Variants in RGL1 observed in about 807,000 individuals in gnomAD.
The protein encoded by RGL1 is ral guanine nucleotide dissociation stimulator like 1, also known as ral guanine nucleotide dissociation stimulator-like 1.
Under a neutral mutation model 95.2 loss-of-function variants are expected in RGL1, and 24 were observed. That is an observed-to-expected ratio of 0.25 (90% CI 0.18 to 0.35). The LOEUF (loss-of-function observed/expected upper bound fraction) is 0.35, where lower values mean the gene tolerates loss of function less well. Among genes scored for constraint, RGL1 ranks in the 10% least tolerant of loss-of-function variants. The pLI is 1.00. For synonymous variants in RGL1, 329 were observed against 344.9 expected, an observed-to-expected ratio of 0.95 and a Z score of 0.51; for missense variants, 715 against 936.3, an observed-to-expected ratio of 0.76 and a Z score of 3.08.
intron 1 of RGL1, among the ~76,000 whole-genome samples, chr1:183,719,460 T>TG (rs1391766478): frequency 6.7e-6 from 1 of 148,394 alleles, no homozygotes; most frequent in African/African-American, 2.6e-5. Context: ...GAGGACAAGC[T>TG]GATGGCACTG....
intron 2 of RGL1, among the ~76,000 whole-genome samples, chr1:183,769,874 AC>A (rs1352187332): frequency 6.6e-6 from 1 of 152,222 alleles, no homozygotes; most frequent in Non-Finnish European, 1.5e-5. Flanking sequence ...CCAGCTTAGA[AC>A]AGCAGCATAA....
intron 15 of RGL1, among the ~76,000 whole-genome samples, chr1:183,913,942 C>T (rs1056699531): frequency 2.6e-5 from 4 of 152,190 alleles, no homozygotes; most frequent in African/African-American, 9.7e-5. Flanking sequence ...TCGTGGACAC[C>T]TACGGACTGG....
At chr1:183,797,921 A>C (rs575083787) in intron 2 of RGL1, among the ~76,000 whole-genome samples, 6 of 152,376 alleles carry the variant, frequency 3.9e-5, no homozygotes, top group African/African-American at 1.4e-4. Context: ...TGGAGGAAGG[A>C]ATCAAGAAAT....
intron 1 of RGL1, among the ~76,000 whole-genome samples, chr1:183,734,819 T>C (rs750444996): frequency 5.3e-5 from 8 of 152,216 alleles, no homozygotes; most frequent in Non-Finnish European, 1.2e-4. Flanking sequence ...CTATCTCTCT[T>C]AGAATGCTAA....
intron 2 of RGL1, among the ~76,000 whole-genome samples, chr1:183,834,117 T>C (rs1663465363): frequency 6.6e-6 from 1 of 151,948 alleles, no homozygotes; most frequent in African/African-American, 2.4e-5. Flanking sequence ...GTAGAGGAGG[T>C]GCATTTATCT....
At chr1:183,739,462 C>T (rs898084366) in intron 1 of RGL1, among the ~76,000 whole-genome samples, 51 of 152,216 alleles carry the variant, frequency 3.4e-4, no homozygotes, top group African/African-American at 1.2e-3. Flanking sequence ...GTTATTTAAC[C>T]TCTCTGAATC....
chr1:183,790,683 A>G (rs1660402486), intron 2 of RGL1, among the ~76,000 whole-genome samples: 1 of 152,206 alleles, frequency 6.6e-6, no homozygotes, highest in African/African-American at 2.4e-5. Flanking sequence ...GCTTGGAACA[A>G]TGTTAACTAT....
intron 4 of RGL1, among the ~76,000 whole-genome samples, chr1:183,876,988 T>C (rs779001742): frequency 6.6e-6 from 1 of 152,226 alleles, no homozygotes; most frequent in Non-Finnish European, 1.5e-5. Flanking sequence ...CTTATTGACA[T>C]TATATCATTT....
chr1:183,690,481 G>T (rs1653876106), intron 1 of RGL1, among the ~76,000 whole-genome samples: 1 of 152,050 alleles, frequency 6.6e-6, no homozygotes, highest in Admixed American at 6.6e-5. Context: ...GGAGATTCAG[G>T]CTAACAATAT....
intron 4 of RGL1, among the ~76,000 whole-genome samples, chr1:183,866,601 G>A (rs115178679): frequency 0.011 from 1,705 of 152,316 alleles, 9 homozygotes; most frequent in South Asian, 0.022. Flanking sequence ...GCCGGAGCGC[G>A]TGCTAGGGGA....
At chr1:183,660,392 G>C (rs539425819) in intron 1 of RGL1, among the ~76,000 whole-genome samples, 3 of 149,996 alleles carry the variant, frequency 2.0e-5, no homozygotes, top group Non-Finnish European at 4.4e-5. Context: ...AACACAAAAA[G>C]GCAGAGGTTG....
At chr1:183,732,023 G>T (rs1028908454) in intron 1 of RGL1, among the ~76,000 whole-genome samples, 9 of 152,084 alleles carry the variant, frequency 5.9e-5, no homozygotes, top group Admixed American at 5.2e-4. Flanking sequence ...AAACTTTAGG[G>T]ACTTCTTCCT....
rs114165619 is a variant in RGL1, at chr1:183,791,770, T to C, written c.133-14605T>C. Among the ~76,000 whole-genome samples the C allele has an allele frequency of 9.9e-3, 1,512 of 152,376 alleles. 12 individuals are homozygous for C. Among genetic ancestry groups the C allele is most frequent in the Non-Finnish European group, 0.017 (1,125 of 68,022 alleles). On this transcript the variant is annotated intron_variant, in intron 2 of 18. Transcript: ENST00000304685. ...ATTGACTGTATTCCAAGACTGATGC[T>C]AATCTGTCTGACATTGAGGCATTAA...
At chr1:183,815,433 A>G (rs1185929661) in intron 2 of RGL1, among the ~76,000 whole-genome samples, 1 of 152,208 alleles carries the variant, frequency 6.6e-6, no homozygotes, top group African/African-American at 2.4e-5. Context: ...TTCTAAAGAC[A>G]TGACACAATA....
chr1:183,769,577 C>T (rs983810060), intron 2 of RGL1, among the ~76,000 whole-genome samples: 3 of 152,214 alleles, frequency 2.0e-5, no homozygotes, highest in Non-Finnish European at 2.9e-5. Context: ...AAATGTTACA[C>T]AATACATAAA....
At position 183,892,123 on chromosome 1, in the gene RGL1, C is replaced by A; in HGVS notation, c.1102C>A (p.His368Asn). The A allele has an allele frequency of 6.2e-7, 1 of 1,612,824 alleles. No individual in the cohort carries two copies. Among genetic ancestry groups the A allele is most frequent in the Non-Finnish European group, 8.5e-7 (1 of 1,179,312 alleles). Residue 368 changes from histidine (H) to asparagine (N), a missense_variant, in exon 9 of 18, where the codon CAT (histidine) becomes AAT (asparagine). His to Asn is a moderately conservative substitution (Grantham distance 68, BLOSUM62 1). Coordinates refer to ENST00000360851, the MANE Select transcript of RGL1 (RefSeq NM_001297671.3). ...FEELSDIFSD[H>N]NNHLTSRELL... ...AGAACTTTCAGATATCTTCTCAGAC[C>A]ATAATAACCATTTGACCAGCCGAGA...
chr1:183,923,643 T>C (rs1390865419), intron 17 of RGL1, among the ~76,000 whole-genome samples: 1 of 152,138 alleles, frequency 6.6e-6, no homozygotes, highest in Non-Finnish European at 1.5e-5. Flanking sequence ...TTAGAGACAA[T>C]ACCCTGCTGG....
In RGL1 at chr1:183,888,594, T is replaced by A. The variant is rs759805402; in HGVS notation, c.1055+17T>A. The A allele has an allele frequency of 1.5e-5, 22 of 1,507,336 alleles. No homozygotes were observed. In the East Asian group the frequency reaches 5.0e-4, roughly 34 times the overall value. The allele number at this position is 1,507,336 out of a possible 1,614,324, so 93.4% of individuals were successfully genotyped here. On this transcript the variant is annotated intron_variant, in intron 8 of 17. Coordinates refer to ENST00000360851, the MANE Select transcript of RGL1 (RefSeq NM_001297671.3). ...CGTCCCAAGGTAAGTTCCCAAGTGTTTGCTCTGCTTTTCTTTGGCCGGGAT... is the reference window on the plus strand; with the variant it reads ...CGTCCCAAGGTAAGTTCCCAAGTGTATGCTCTGCTTTTCTTTGGCCGGGAT...
intron 1 of RGL1, among the ~76,000 whole-genome samples, chr1:183,664,656 G>A (rs1052204213): frequency 6.7e-6 from 1 of 149,446 alleles, no homozygotes; most frequent in Non-Finnish European, 1.5e-5. Flanking sequence ...TTATGAACTA[G>A]TCTTAAGATA....
Sources: allele counts gnomAD v4.1 joint callset (sites outside exome capture counted in the v4.1 genomes callset), GRCh38; gene constraint gnomAD v4.1.1; transcripts MANE v1.5; gene names NCBI Gene and HGNC (gene_info 2026-07-23, HGNC 2026-07-21).